Variants in EYS observed in about 807,000 individuals in gnomAD.
The protein encoded by EYS is protein eyes shut homolog.
In EYS, 250 loss-of-function variants were observed where a neutral mutation model predicts 282.1. The ratio of observed to expected loss-of-function variants is 0.89; its 90% CI spans 0.80 to 0.98. The LOEUF (loss-of-function observed/expected upper bound fraction) is 0.98. Among genes scored for constraint, EYS ranks in the 50% least tolerant of loss-of-function variants. The pLI is 0.00. For synonymous variants in EYS, 1,355 were observed against 1,282.9 expected, an observed-to-expected ratio of 1.06 and a Z score of -1.20; for missense variants, 4,016 against 3,709.0, an observed-to-expected ratio of 1.08 and a Z score of -2.15.
chr6:64,910,671 A>G (rs1006284105), intron 16 of EYS, among the ~76,000 whole-genome samples: 3 of 152,072 alleles, frequency 2.0e-5, no homozygotes, highest in Non-Finnish European at 4.4e-5. Context: ...AGTGAAATCT[A>G]AATTCTCCCC....
At chr6:64,274,723 C>T (rs1000768804) in intron 30 of EYS, among the ~76,000 whole-genome samples, 4 of 151,896 alleles carry the variant, frequency 2.6e-5, no homozygotes, top group African/African-American at 7.3e-5. Flanking sequence ...GACATTAGTA[C>T]GGTGTCTTTG....
intron 2 of EYS, among the ~76,000 whole-genome samples, chr6:65,628,346 C>T (rs541573533): frequency 2.8e-4 from 43 of 152,200 alleles, no homozygotes; most frequent in African/African-American, 8.9e-4. Context: ...GGATTGTAAA[C>T]GCACCAATCA....
At chr6:64,935,573 A>T (rs1391632947) in intron 15 of EYS, among the ~76,000 whole-genome samples, 1 of 151,724 alleles carries the variant, frequency 6.6e-6, no homozygotes, top group African/African-American at 2.4e-5. Context: ...AACTAGAATG[A>T]TCAAGAAAAA....
chr6:64,128,441 A>G (rs1773856278), intron 31 of EYS, among the ~76,000 whole-genome samples: 1 of 152,136 alleles, frequency 6.6e-6, no homozygotes, highest in African/African-American at 2.4e-5. Context: ...CTAAAGGAAG[A>G]TACTATCCCT....
intron 14 of EYS, among the ~76,000 whole-genome samples, chr6:64,951,574 G>A (rs977417716): frequency 7.9e-5 from 12 of 151,914 alleles, no homozygotes; most frequent in Non-Finnish European, 1.0e-4. Flanking sequence ...ATTGGATAGA[G>A]ATTTAAAAAT....
chr6:65,020,997 C>T (rs1031816340), intron 13 of EYS, among the ~76,000 whole-genome samples: 13 of 152,114 alleles, frequency 8.5e-5, no homozygotes, highest in South Asian at 2.1e-4. Context: ...CAGTGGGGCC[C>T]GGGACCCAGT....
At chr6:65,236,817 A>G (rs1418769653) in intron 12 of EYS, among the ~76,000 whole-genome samples, 4 of 152,140 alleles carry the variant, frequency 2.6e-5, no homozygotes, top group Non-Finnish European at 4.4e-5. Flanking sequence ...CGTCACAGCA[A>G]CTTAGGACCA....
chr6:63,770,786 T>C (rs1769909174), intron 40 of EYS, among the ~76,000 whole-genome samples: 2 of 152,138 alleles, frequency 1.3e-5, no homozygotes, highest in Admixed American at 6.6e-5. Context: ...AAATTTGAAG[T>C]CTTTGAAGAA....
rs115506369 is a variant in EYS at position 64,090,162 on chromosome 6, C to G, written c.6425-8160G>C. ...GGTATGAAAAACTATCAATATTTCTCATTGTACTTGACATGCCATAATAGC... is the reference window on the plus strand; with the variant it reads ...GGTATGAAAAACTATCAATATTTCTGATTGTACTTGACATGCCATAATAGC... On this transcript the variant is annotated intron_variant, in intron 31 of 42. Transcript: ENST00000503581. Among the ~76,000 whole-genome samples, 362 of 152,210 alleles carry G rather than the reference C, an allele frequency of 2.4e-3. 1 individual carries two copies. Among genetic ancestry groups the G allele is most frequent in the African/African-American group, 8.2e-3 (343 of 41,582 alleles).
chr6:64,545,481 A>T (rs9688889), intron 26 of EYS, among the ~76,000 whole-genome samples: 1 of 152,080 alleles, frequency 6.6e-6, no homozygotes, highest in Non-Finnish European at 1.5e-5. Flanking sequence ...TGCCCTCTCT[A>T]ACCACTCCTA....
At chr6:64,543,864 A>G (rs889605727) in intron 26 of EYS, among the ~76,000 whole-genome samples, 1 of 152,180 alleles carries the variant, frequency 6.6e-6, no homozygotes, top group African/African-American at 2.4e-5. Flanking sequence ...TAGAGAGGCT[A>G]AGAGATCTTA....
chr6:63,996,170 T>C (rs1410143489), intron 34 of EYS, among the ~76,000 whole-genome samples: 1 of 152,052 alleles, frequency 6.6e-6, no homozygotes. Context: ...ATCTTTCATA[T>C]GGTACAACAT....
chr6:63,883,853 A>T (rs535721542), intron 35 of EYS, among the ~76,000 whole-genome samples: 2 of 152,290 alleles, frequency 1.3e-5, no homozygotes, highest in South Asian at 2.1e-4. Flanking sequence ...ACGCCTTCTC[A>T]TCATTCAGTT....
chr6:63,796,139 C>T (rs1250855587), intron 37 of EYS, among the ~76,000 whole-genome samples: 3 of 152,174 alleles, frequency 2.0e-5, no homozygotes, highest in Non-Finnish European at 4.4e-5. Context: ...ACCCGTCCTG[C>T]TGTTTCTCCT....
At chr6:64,702,065 A>G (rs10080952) in intron 22 of EYS, among the ~76,000 whole-genome samples, 5,948 of 152,068 alleles carry the variant, frequency 0.039, 400 homozygotes, top group African/African-American at 0.14. Flanking sequence ...TTCAATAACA[A>G]AAAACCTCAT....
At chr6:64,702,035 C>CT (rs11439219) in intron 22 of EYS, among the ~76,000 whole-genome samples, 101,901 of 150,264 alleles carry the variant, frequency 0.68, 35,512 homozygotes, top group Middle Eastern at 0.78. Context: ...CATAAAATGC[C>CT]TTTTTTTTTC....
chr6:64,181,983 A>G (rs964756038), intron 31 of EYS, among the ~76,000 whole-genome samples: 1 of 152,076 alleles, frequency 6.6e-6, no homozygotes, highest in Non-Finnish European at 1.5e-5. Flanking sequence ...TACAGGTGTC[A>G]TTCAATCATT....
At chr6:65,479,499 T>C (rs1241896112) in intron 5 of EYS, among the ~76,000 whole-genome samples, 18 of 152,120 alleles carry the variant, frequency 1.2e-4, no homozygotes, top group African/African-American at 2.4e-5. Flanking sequence ...AATAGACCAA[T>C]AGAATAGAAC....
chr6:64,489,343 T>C (rs1303966576), intron 26 of EYS, among the ~76,000 whole-genome samples: 1 of 150,654 alleles, frequency 6.6e-6, no homozygotes, highest in Non-Finnish European at 1.5e-5. Context: ...TAGTCTCTAG[T>C]GGTCAGACAA....
Sources: allele counts gnomAD v4.1 joint callset (sites outside exome capture counted in the v4.1 genomes callset), GRCh38; gene constraint gnomAD v4.1.1; transcripts MANE v1.5; gene names NCBI Gene and HGNC (gene_info 2026-07-23, HGNC 2026-07-21).